The following PAQR9 variants were observed in gnomAD, a reference collection of about 807,000 sequenced individuals.
PAQR9 encodes the protein progestin and adipoQ receptor family member 9.
In PAQR9, 12 loss-of-function variants were observed where a neutral mutation model predicts 24.0. That is an observed-to-expected ratio of 0.50 (90% confidence interval 0.32 to 0.81). PAQR9 has a LOEUF of 0.81. Among genes scored for constraint, PAQR9 ranks in the 30% least tolerant of loss-of-function variants. PAQR9 has a pLI of 0.03. For missense variants in PAQR9, 418 were observed against 520.8 expected (o/e 0.80, Z 1.92); for synonymous variants, 266 against 237.6 (o/e 1.12, Z -1.10).
In PAQR9 at chr3:142,962,761, C is replaced by T. The variant is rs766771209; in HGVS notation, c.576G>A (p.Leu192=). Residue 192 remains leucine, a synonymous_variant, in exon 1 of 1, where the codon TTG becomes TTA. Coordinates refer to ENST00000340634, the MANE Select transcript of PAQR9 (RefSeq NM_198504.4). ...CCACGTGCCAGCCCAGGCGCTGCTG[C>T]AAGTATGGAGTCATGACTCTGGCAT... is the stretch of plus-strand genomic sequence containing the variant. ...LLDARVMTPY[L]QQRLGWHVDC... The T allele has an allele frequency of 1.1e-5, 17 of 1,612,442 alleles. 1 individual carries two copies. Among genetic ancestry groups the T allele is most frequent in the Admixed American group, 1.7e-5 (1 of 59,916 alleles).
Position 142,959,371 on chromosome 3 carries a change from T to C in PAQR9, c.*2832A>G, listed in dbSNP as rs989526614. On this transcript the variant is annotated 3_prime_UTR_variant, in exon 1 of 1. Transcript: ENST00000340634. Reference sequence around the variant, plus strand: ...TAATAAATTCAGCAAATAAACTGTATAGTTTAACAAATCATCCCTGGCTTT... The same window carrying C: ...TAATAAATTCAGCAAATAAACTGTACAGTTTAACAAATCATCCCTGGCTTT... 5.3e-5 allele frequency among the ~76,000 whole-genome samples: 8 copies of C among 152,218 alleles called. No individual in the cohort carries two copies. Among genetic ancestry groups the C allele is most frequent in the African/African-American group, 1.9e-4 (8 of 41,458 alleles).
In PAQR9 at chr3:142,954,893, C is replaced by T. The variant is rs1934768245; in HGVS notation, c.*7310G>A. On this transcript the variant is annotated 3_prime_UTR_variant, in exon 1 of 1. Coordinates refer to ENST00000340634, the MANE Select transcript of PAQR9 (RefSeq NM_198504.4). ...CCACATGTTAGTCCATGCCTGGAAG[C>T]TCACGTATCCTGAGAATGCCTCTCT... is the stretch of plus-strand genomic sequence containing the variant. Among the ~76,000 whole-genome samples the T allele has an allele frequency of 6.6e-6, 1 of 152,164 alleles. No individual in the cohort carries two copies. Among genetic ancestry groups the T allele is most frequent in the Admixed American group, 6.5e-5 (1 of 15,280 alleles).
chr3:142,952,050 G>A (rs550898985), downstream of PAQR9, among the ~76,000 whole-genome samples: 11 of 149,812 alleles, frequency 7.3e-5, no homozygotes, highest in East Asian at 2.2e-3. Flanking sequence ...AAAAAGAAGG[G>A]GGGGGGGTGT....
downstream of PAQR9, chr3:142,952,820 A>G (rs1180853602): frequency 4.4e-6 from 2 of 456,612 alleles, no homozygotes; most frequent in Non-Finnish European, 8.8e-6. Context: ...GTTCCAATCC[A>G]ATCTTCCGTG....
At position 142,957,502 on chromosome 3, in the gene PAQR9, A is replaced by G. The variant is rs1324420684; in HGVS notation, c.*4701T>C. Among the ~76,000 whole-genome samples the G allele has an allele frequency of 6.6e-6, 1 of 152,260 alleles. No homozygotes were observed. Among genetic ancestry groups the G allele is most frequent in the East Asian group, 1.9e-4 (1 of 5,208 alleles). ...TACAACACAAAGATCCTAAAAGGCT[A>G]GAGAGCATTAGTTAATCTCAGTTAA... On this transcript the variant is annotated 3_prime_UTR_variant, in exon 1 of 1. Coordinates refer to ENST00000340634, the MANE Select transcript of PAQR9 (RefSeq NM_198504.4).
Position 142,960,435 on chromosome 3 carries a change from A to C in PAQR9, c.*1768T>G, listed in dbSNP as rs1295988823. On this transcript the variant is annotated 3_prime_UTR_variant, in exon 1 of 1. Coordinates refer to ENST00000340634, the MANE Select transcript of PAQR9 (RefSeq NM_198504.4). Reference sequence around the variant, plus strand: ...GACCTTCAACTAGGCAGTGGAGATCAAGCCCAAGATAAGCCACCACTACCT... The same window carrying C: ...GACCTTCAACTAGGCAGTGGAGATCCAGCCCAAGATAAGCCACCACTACCT... 1 of 152,522 alleles carries C rather than the reference A, an allele frequency of 6.6e-6. No individual in the cohort carries two copies. The highest frequency in any genetic ancestry group is 1.9e-4 in the East Asian group (1 of 5,206). The allele number at this position is 152,522 out of a possible 1,614,324, so 9.4% of individuals were successfully genotyped here. A position where few individuals can be genotyped will look rare whatever the true frequency, so the allele number is the denominator to read the frequency against.
chr3:142,962,401 C>T lies in PAQR9; in HGVS notation c.936G>A (p.Gln312=). The change falls in exon 1 of 1, where the codon CAG becomes CAA. Residue 312 remains glutamine, a synonymous_variant. Transcript: ENST00000340634. ...TGAGGAAGGTGAAGATGTGGAAGAG[C>T]TGGTGGCTGTGGCCGATAATGTCGA... ...GLFDIIGHSH[Q]LFHIFTFLSI... The T allele has an allele frequency of 6.2e-7, 1 of 1,614,176 alleles. No individual in the cohort carries two copies. Among genetic ancestry groups the T allele is most frequent in the Non-Finnish European group, 8.5e-7 (1 of 1,180,036 alleles).
chr3:142,952,514 A>T (rs1418773976), downstream of PAQR9, among the ~76,000 whole-genome samples: 1 of 152,212 alleles, frequency 6.6e-6, no homozygotes, highest in African/African-American at 2.4e-5. Context: ...ATCTGTTAAG[A>T]TACTTCTGAT....
upstream of PAQR9, chr3:142,963,728 G>A: frequency 1.2e-6 from 1 of 822,272 alleles, no homozygotes; most frequent in Non-Finnish European, 1.5e-6. Context: ...AGCGGGAGGT[G>A]GGGATGTGCG....
Position 142,960,109 on chromosome 3 carries a change from C to T in PAQR9, c.*2094G>A, listed in dbSNP as rs1272948996. Among the ~76,000 whole-genome samples, 5 of 152,248 alleles carry T rather than the reference C, an allele frequency of 3.3e-5. No individual in the cohort carries two copies. Among genetic ancestry groups the T allele is most frequent in the Non-Finnish European group, 7.4e-5 (5 of 68,018 alleles). On this transcript the variant is annotated 3_prime_UTR_variant, in exon 1 of 1. Transcript: ENST00000340634. ...TCACAAAGGATGAGACACTGACACT[C>T]GTCAACAACTGTGCAAAGTGTATTT...
At chr3:142,950,383 A>G (rs758719119), downstream of PAQR9, 19 of 194,916 alleles carry the variant, frequency 9.7e-5, no homozygotes, top group South Asian at 1.7e-4. Flanking sequence ...TGTCTCTCCA[A>G]TTTTGGGGGG....
At position 142,957,148 on chromosome 3, in the gene PAQR9, G is replaced by A. The variant is rs77526191; in HGVS notation, c.*5055C>T. On this transcript the variant is annotated 3_prime_UTR_variant, in exon 1 of 1. Coordinates refer to ENST00000340634, the MANE Select transcript of PAQR9 (RefSeq NM_198504.4). ...TCCTAATTTTATGGAAACAAAGTAA[G>A]GGCTTTAAGCCAGGAGATAAATGTA... Among the ~76,000 whole-genome samples, 411 of 152,298 alleles carry A rather than the reference G, an allele frequency of 2.7e-3. 1 individual carries two copies. Among genetic ancestry groups the A allele is most frequent in the African/African-American group, 9.4e-3 (391 of 41,558 alleles).
In PAQR9 at chr3:142,960,368, T is replaced by C. The variant is rs1934868845; in HGVS notation, c.*1835A>G. ...CATATGCATGATCTAAGTTATATCATAAAATCAAGATGCACCTGTGGGACA... is the reference window on the plus strand; with the variant it reads ...CATATGCATGATCTAAGTTATATCACAAAATCAAGATGCACCTGTGGGACA... On this transcript the variant is annotated 3_prime_UTR_variant, in exon 1 of 1. Transcript: ENST00000340634. The C allele has an allele frequency of 1.3e-5, 2 of 152,222 alleles. No individual in the cohort carries two copies. Among genetic ancestry groups the C allele is most frequent in the Admixed American group, 6.5e-5 (1 of 15,284 alleles). 9.4% of individuals were successfully genotyped at this position (152,222 alleles called of 1,614,324 possible).
Position 142,962,581 on chromosome 3 carries a change from G to A in PAQR9, c.756C>T (p.Ser252=), listed in dbSNP as rs369902311. Residue 252 remains serine (S), a synonymous_variant, in exon 1 of 1, where the codon AGC becomes AGT. Transcript: ENST00000340634. ...TCTCGAGCATAATGGGGCAGGCCAT[G>A]CTGAGCGGCATGACGAAGACGAAGG... ...LRTFVFVMPL[S]MACPIMLESW... 1.4e-4 allele frequency: 231 copies of A among 1,613,912 alleles called. No individual in the cohort carries two copies. Among genetic ancestry groups the A allele is most frequent in the Middle Eastern group, 1.2e-3 (7 of 6,084 alleles).
At position 142,962,530 on chromosome 3, in the gene PAQR9, C is replaced by G; in HGVS notation, c.807G>C (p.Glu269Asp). ...LESWLFDLRG[E>D]NPTLFVHFYR... The stretch of plus-strand genomic sequence containing the variant: ...AGAAGTGCACGAAGAGTGTGGGGTT[C>G]TCCCCACGCAGGTCGAAGAGCCAGC... The change falls in exon 1 of 1, where the codon GAG becomes GAC. Residue 269 changes from glutamate (E) to aspartate (D), a missense_variant. Coordinates refer to ENST00000340634, the MANE Select transcript of PAQR9 (RefSeq NM_198504.4). 6.2e-7 allele frequency: 1 copy of G among 1,613,594 alleles called. No individual in the cohort carries two copies. The highest frequency in any genetic ancestry group is 1.3e-5 in the African/African-American group (1 of 75,064).
Position 142,963,267 on chromosome 3 carries a change from C to G in PAQR9, c.70G>C (p.Gly24Arg), listed in dbSNP as rs1341145812. ...GCAGAGTGGGAGTTCCGGGCGGCCCCCGAAGCTGCCGGGGCCGGGGCCGGA... is the reference window on the plus strand; with the variant it reads ...GCAGAGTGGGAGTTCCGGGCGGCCCGCGAAGCTGCCGGGGCCGGGGCCGGA... ...GPPAPAPAAS[G>R]AARNSHSAAS... The change falls in exon 1 of 1, where the codon GGG becomes CGG. Residue 24 changes from glycine (G) to arginine (R), a missense_variant. Physicochemically the swap from Gly to Arg is moderately radical, Grantham distance 125. This residue lies in a region of PAQR9 where 180 missense variants were observed against 190.3 expected (regional missense o/e 0.95). Coordinates refer to ENST00000340634, the MANE Select transcript of PAQR9 (RefSeq NM_198504.4). 3 of 1,510,944 alleles carry G rather than the reference C, an allele frequency of 2.0e-6. No homozygotes were observed. The South Asian group carries it at 3.7e-5, about 19-fold the overall frequency. The allele number at this position is 1,510,944 out of a possible 1,614,324, so 93.6% of individuals were successfully genotyped here. A position where few individuals can be genotyped will look rare whatever the true frequency, so the allele number is the denominator to read the frequency against.
In PAQR9 at chr3:142,955,498, C is replaced by T. The variant is rs1052653189; in HGVS notation, c.*6705G>A. Among the ~76,000 whole-genome samples the T allele has an allele frequency of 1.4e-5, 2 of 140,614 alleles. No homozygotes were observed. The highest frequency in any genetic ancestry group is 2.3e-4 in the South Asian group (1 of 4,308). The allele number at this position is 140,614 out of a possible 152,430, so 92.2% of individuals were successfully genotyped here. A position where few individuals can be genotyped will look rare whatever the true frequency, so the allele number is the denominator to read the frequency against. ...AAAAAGCAGCCACAGAATCCTCCCC[C>T]AGCCCTGAAACACAGAAAGCCTTTT... is the stretch of plus-strand genomic sequence containing the variant. On this transcript the variant is annotated 3_prime_UTR_variant, in exon 1 of 1. Transcript: ENST00000340634.
chr3:142,953,144 G>A (rs756558166), downstream of PAQR9, among the ~76,000 whole-genome samples: 1 of 152,148 alleles, frequency 6.6e-6, no homozygotes, highest in Non-Finnish European at 1.5e-5. Context: ...GGCACAGTAC[G>A]CCATTAGAAA....
Position 142,959,769 on chromosome 3 carries a change from GTGTTTTAGTTAT to G in PAQR9, c.*2422_*2433del, listed in dbSNP as rs1285050926. 6.6e-6 allele frequency among the ~76,000 whole-genome samples: 1 copy of G among 152,168 alleles called. No individual in the cohort carries two copies. Among genetic ancestry groups the G allele is most frequent in the African/African-American group, 2.4e-5 (1 of 41,440 alleles). ...ACAAAAAATTAAAATGACAAATTTG[GTGTTTTAGTTAT>G]TGTTCTCAAACTCATTAATCCTTGC... On this transcript the variant is annotated 3_prime_UTR_variant, in exon 1 of 1. Transcript: ENST00000340634.
Sources: gnomAD v4.1 joint callset for allele counts (sites outside exome capture counted in the v4.1 genomes callset) on GRCh38, gnomAD v4.1.1 for gene constraint, gnomAD v4.1.1 regional missense constraint, MANE v1.5 for transcripts, NCBI Gene and HGNC (gene_info 2026-07-23, HGNC 2026-07-21) for gene names.